Variants in NOS1 observed in about 807,000 individuals in gnomAD.
The protein encoded by NOS1 is NOS type I.
A neutral mutation model predicts 164.5 loss-of-function variants in NOS1; 51 were observed. That is an observed-to-expected ratio of 0.31 (90% confidence interval 0.25 to 0.39). The LOEUF (loss-of-function observed/expected upper bound fraction) is 0.39, where lower values mean the gene tolerates loss of function less well. Among genes scored for constraint, NOS1 ranks in the 10% least tolerant of loss-of-function variants. The pLI is 1.00. For synonymous variants in NOS1, 719 were observed against 745.8 expected (o/e 0.96, Z 0.59); for missense variants, 1,362 against 1,885.6 (o/e 0.72, Z 5.14).
intron 1 of NOS1, among the ~76,000 whole-genome samples, chr12:117,342,913 A>G (rs1043664725): frequency 2.6e-5 from 4 of 152,004 alleles, no homozygotes; most frequent in African/African-American, 7.2e-5. Flanking sequence ...AGTCAACAAG[A>G]TTTGGTGACT....
intron 10 of NOS1, among the ~76,000 whole-genome samples, chr12:117,268,589 A>ATT (rs35656036): frequency 0.39 from 48,144 of 123,112 alleles, 11,903 homozygotes; most frequent in Non-Finnish European, 0.53. Context: ...CACTCATTCA[A>ATT]TTTTTTTTTT....
intron 10 of NOS1, among the ~76,000 whole-genome samples, chr12:117,270,212 T>G (rs1483507643): frequency 6.6e-6 from 1 of 152,196 alleles, no homozygotes; most frequent in Non-Finnish European, 1.5e-5. Context: ...TACTAGTCAC[T>G]GGTGGGAACC....
chr12:117,307,284 C>T (rs3782206), intron 3 of NOS1, among the ~76,000 whole-genome samples: 17,742 of 152,144 alleles, frequency 0.12, 1,313 homozygotes, highest in East Asian at 0.24. Context: ...AACTTCCAAA[C>T]AGGACATTTA....
At chr12:117,221,939 C>T (rs886643993) in intron 26 of NOS1, among the ~76,000 whole-genome samples, 35 of 150,888 alleles carry the variant, frequency 2.3e-4, no homozygotes, top group African/African-American at 4.4e-4. Context: ...GGATTACAGG[C>T]GTGAGTCACG....
rs1187789536 is a variant in NOS1 at position 117,226,943 on chromosome 12, C to T, written c.3617-173G>A. 4.6e-5 allele frequency among the ~76,000 whole-genome samples: 7 copies of T among 152,104 alleles called. No homozygotes were observed. The East Asian group carries it at 1.2e-3, about 25-fold the overall frequency. On this transcript the variant is annotated intron_variant, in intron 23 of 28. Transcript: ENST00000317775. ...GGAAATGGTATAGCTGGGGTGACTTCGTGCCTGTGCAACCACCCAGGGTTC... is the reference window on the plus strand; with the variant it reads ...GGAAATGGTATAGCTGGGGTGACTTTGTGCCTGTGCAACCACCCAGGGTTC...
chr12:117,226,891 C>T, intron 23 of NOS1, 121 bp from the exon 24 acceptor site: 1 of 747,144 alleles, frequency 1.3e-6, no homozygotes, highest in East Asian at 2.7e-5. Context: ...AATTCCTCCC[C>T]AGGATCCCTT....
At chr12:117,224,932 A>C in intron 25 of NOS1, 84 bp downstream of exon 25, 1 of 1,572,124 alleles carries the variant, frequency 6.4e-7, no homozygotes, top group South Asian at 1.1e-5. Context: ...AGACACCTTC[A>C]CTGTTCTCTA....
At chr12:117,360,131 G>C (rs1443983480) in intron 1 of NOS1, among the ~76,000 whole-genome samples, 1 of 151,398 alleles carries the variant, frequency 6.6e-6, no homozygotes, top group Non-Finnish European at 1.5e-5. Flanking sequence ...CAGAACCCAG[G>C]GGAGTCACTG....
At chr12:117,249,668 C>A (rs535467738) in intron 17 of NOS1, among the ~76,000 whole-genome samples, 2 of 152,124 alleles carry the variant, frequency 1.3e-5, no homozygotes, top group South Asian at 4.2e-4. Context: ...GCTTCACAGA[C>A]CCTCTGTGCA....
intron 5 of NOS1, 71 bp downstream of exon 5, chr12:117,288,003 T>G: frequency 6.3e-7 from 1 of 1,587,140 alleles, no homozygotes; most frequent in South Asian, 1.1e-5. Context: ...GTTTGCAAAG[T>G]TGGGGCTGAC....
chr12:117,215,369 G>C, intron 28 of NOS1, 45 bp from the exon 29 acceptor site: 2 of 1,478,494 alleles, frequency 1.4e-6, no homozygotes, highest in South Asian at 2.9e-5. Flanking sequence ...CCAAGGGCAA[G>C]GCTGCTGTTT....
chr12:117,256,027 G>A lies in NOS1; in HGVS notation c.2532-2273C>T, dbSNP rs757505444. The A allele has an allele frequency of 2.1e-5, 31 of 1,444,936 alleles. No individual in the cohort carries two copies. The highest frequency in any genetic ancestry group is 2.6e-5 in the Non-Finnish European group (29 of 1,097,560). 89.5% of individuals were successfully genotyped at this position (1,444,936 alleles called of 1,614,324 possible). A position where few individuals can be genotyped will look rare whatever the true frequency, so the allele number is the denominator to read the frequency against. On this transcript the variant is annotated intron_variant, in intron 16 of 28. Coordinates refer to ENST00000317775, the MANE Select transcript of NOS1 (RefSeq NM_000620.5). ...CCTTTACGGGGAAAGAAACGCAAGG[G>A]TTCCGGGTACCTAGAGGGGAGAATC... is the stretch of plus-strand genomic sequence containing the variant.
intron 4 of NOS1, among the ~76,000 whole-genome samples, chr12:117,289,285 C>A (rs1256136984): frequency 6.6e-6 from 1 of 152,182 alleles, no homozygotes; most frequent in Non-Finnish European, 1.5e-5. Context: ...CCCTTAGATT[C>A]TTTTGTGTAC....
rs568478310 is a variant in NOS1, at chr12:117,214,971, G to A, written c.*338C>T. 1.7e-5 allele frequency: 18 copies of A among 1,088,866 alleles called. No homozygotes were observed. In the South Asian group the frequency reaches 6.3e-4, roughly 38 times the overall value. The allele number at this position is 1,088,866 out of a possible 1,614,324, so 67.5% of individuals were successfully genotyped here. A position where few individuals can be genotyped will look rare whatever the true frequency, so the allele number is the denominator to read the frequency against. ...GTGCCTAGTTCCTGCAGCCTTTCCAGGGGAACCCCAGAGAAAAAAACCCCC... is the reference window on the plus strand; with the variant it reads ...GTGCCTAGTTCCTGCAGCCTTTCCAAGGGAACCCCAGAGAAAAAAACCCCC... On this transcript the variant is annotated 3_prime_UTR_variant, in exon 29 of 29. Coordinates refer to ENST00000317775, the MANE Select transcript of NOS1 (RefSeq NM_000620.5).
In NOS1 at chr12:117,272,896, C is replaced by T. The variant is rs1258870066; in HGVS notation, c.1665-337G>A. Among the ~76,000 whole-genome samples, 2 of 152,216 alleles carry T rather than the reference C, an allele frequency of 1.3e-5. No individual in the cohort carries two copies. The highest frequency in any genetic ancestry group is 4.8e-5 in the African/African-American group (2 of 41,458). On this transcript the variant is annotated intron_variant, in intron 9 of 28. Transcript: ENST00000317775. This position sits in a 1 kb window ranked among gnomAD's most constrained non-coding sequence, Gnocchi z 4.3. ...CCTTCCCCGACTGAGCACCCTCCTA[C>T]CCTCAGGGCCTTTGCACAGGCAGCC...
At chr12:117,288,264 A>T in intron 4 of NOS1, 45 bp from the exon 5 acceptor site, 2 of 1,586,212 alleles carry the variant, frequency 1.3e-6, no homozygotes, top group Non-Finnish European at 1.7e-6. Flanking sequence ...TTTACCCAAG[A>T]GTGGCAGGTG....
chr12:117,256,197 C>G (rs1326411581), intron 16 of NOS1, among the ~76,000 whole-genome samples: 3 of 151,772 alleles, frequency 2.0e-5, no homozygotes, highest in Non-Finnish European at 2.9e-5. Context: ...CCACAAAGGA[C>G]TCAGCAACGG....
chr12:117,286,355 A>G (rs1206154568), intron 5 of NOS1, 89 bp from the exon 6 acceptor site: 2 of 1,411,232 alleles, frequency 1.4e-6, no homozygotes, highest in African/African-American at 2.9e-5. Flanking sequence ...AGAGGCTGGA[A>G]GCTACAAAAA....
chr12:117,290,750 A>G (rs182069996), intron 3 of NOS1, among the ~76,000 whole-genome samples: 1 of 152,224 alleles, frequency 6.6e-6, no homozygotes, highest in East Asian at 1.9e-4. Flanking sequence ...TATTTGTTGA[A>G]TGAATACATG....
Sources: allele counts gnomAD v4.1 joint callset (sites outside exome capture counted in the v4.1 genomes callset), GRCh38; gene constraint gnomAD v4.1.1; non-coding constraint Gnocchi (gnomAD v3.1); transcripts MANE v1.5; gene names NCBI Gene and HGNC (gene_info 2026-07-23, HGNC 2026-07-21).